TCF12: variants seen among roughly 807,000 people sequenced by gnomAD.
TCF12 encodes the protein transcription factor 12.
TCF12 carries 45 observed loss-of-function variants against 86.0 expected under a neutral mutation model. That is an observed-to-expected ratio of 0.52 (90% CI 0.41 to 0.67). The LOEUF is 0.67. Ranked by LOEUF, TCF12 falls within the 30% of genes least tolerant of loss-of-function variation. TCF12 has a pLI of 0.00. For synonymous variants in TCF12, 330 were observed against 299.6 expected, an observed-to-expected ratio of 1.10 and a Z score of -1.05; for missense variants, 881 against 859.9, an observed-to-expected ratio of 1.02 and a Z score of -0.31.
intron 5 of TCF12, among the ~76,000 whole-genome samples, chr15:57,098,009 C>CAAAAAA (rs72046243): frequency 6.4e-4 from 31 of 48,414 alleles, no homozygotes; most frequent in Non-Finnish European, 9.2e-4. Flanking sequence ...TACAAAAATA[C>CAAAAAA]AAAAAAAAAA....
At chr15:57,199,976 G>C (rs1357463055) in intron 8 of TCF12, among the ~76,000 whole-genome samples, 1 of 151,526 alleles carries the variant, frequency 6.6e-6, no homozygotes, top group Admixed American at 6.6e-5. Context: ...TAACCTCCTT[G>C]GCTCAAGCGA....
chr15:57,069,919 C>T (rs907989195), intron 4 of TCF12, among the ~76,000 whole-genome samples: 2 of 152,208 alleles, frequency 1.3e-5, no homozygotes, highest in African/African-American at 4.8e-5. Context: ...AATTTAAGAG[C>T]TTGAGCATTA....
At chr15:56,992,002 C>G (rs1190709437) in intron 3 of TCF12, among the ~76,000 whole-genome samples, 1 of 151,756 alleles carries the variant, frequency 6.6e-6, no homozygotes, top group African/African-American at 2.4e-5. Context: ...TGCCTGTACC[C>G]TAGTACTTTA....
At chr15:57,213,139 G>A (rs1460227894) in intron 8 of TCF12, among the ~76,000 whole-genome samples, 5 of 152,154 alleles carry the variant, frequency 3.3e-5, no homozygotes, top group African/African-American at 7.2e-5. Flanking sequence ...CTTGTTTTGC[G>A]TTGTTCTTTG....
chr15:57,214,156 C>CG (rs2058236041), intron 8 of TCF12: 1 of 152,154 alleles, frequency 6.6e-6, no homozygotes, highest in Non-Finnish European at 1.5e-5. Flanking sequence ...GGGGACCCCC[C>CG]CTCTTTAATT....
intron 3 of TCF12, among the ~76,000 whole-genome samples, chr15:56,938,474 C>G (rs1211898337): frequency 6.6e-6 from 1 of 151,888 alleles, no homozygotes; most frequent in Non-Finnish European, 1.5e-5. Flanking sequence ...TTTGCTTTTT[C>G]TGTTGTGTCC....
At chr15:57,111,073 C>A (rs1294427907) in intron 5 of TCF12, among the ~76,000 whole-genome samples, 1 of 152,110 alleles carries the variant, frequency 6.6e-6, no homozygotes, top group Non-Finnish European at 1.5e-5. Flanking sequence ...ATGGAATCAT[C>A]TTTTTAACGT....
chr15:57,173,441 A>ACC (rs1463014986), intron 6 of TCF12, among the ~76,000 whole-genome samples: 1 of 152,166 alleles, frequency 6.6e-6, no homozygotes, highest in African/African-American at 2.4e-5. Context: ...AACTAACAAA[A>ACC]CCAAAATTTG....
At chr15:57,014,660 C>T (rs2065040351) in intron 3 of TCF12, among the ~76,000 whole-genome samples, 2 of 152,026 alleles carry the variant, frequency 1.3e-5, no homozygotes, top group African/African-American at 4.8e-5. Context: ...CTAGGTACAC[C>T]CTCCAGGTGG....
chr15:57,037,435 AAAC>A (rs1409292814), intron 3 of TCF12, among the ~76,000 whole-genome samples: 1 of 68,892 alleles, frequency 1.5e-5, no homozygotes, highest in African/African-American at 1.6e-4. Context: ...GAGCTCAAAA[AAAC>A]AAACAAACAA....
chr15:57,160,714 G>A (rs1460342679), intron 5 of TCF12, among the ~76,000 whole-genome samples: 1 of 151,760 alleles, frequency 6.6e-6, no homozygotes. Context: ...GTTTTTTGAG[G>A]CAGGGTCTCA....
chr15:56,964,748 G>T (rs1249689260), intron 3 of TCF12, among the ~76,000 whole-genome samples: 1 of 152,050 alleles, frequency 6.6e-6, no homozygotes, highest in Admixed American at 6.6e-5. Flanking sequence ...TTGTACTCTT[G>T]TGCCTTATAA....
chr15:57,133,538 T>TACACGGCTGTGTTGCA (rs1337472251), intron 5 of TCF12, among the ~76,000 whole-genome samples: 1 of 152,110 alleles, frequency 6.6e-6, no homozygotes, highest in Non-Finnish European at 1.5e-5. Context: ...GGTGTGTTGC[T>TACACGGCTGTGTTGCA]ACACGGCTGT....
Position 57,109,713 on chromosome 15 carries a change from A to C in TCF12, c.325+17822A>C, listed in dbSNP as rs78387469. On this transcript the variant is annotated intron_variant, in intron 5 of 20. Transcript: ENST00000333725. Reference sequence around the variant, plus strand: ...TAAAAATGCATAGAACTTGTCAAAGATAGCTTAATTTGCCTTTCTACATTC... The same window carrying C: ...TAAAAATGCATAGAACTTGTCAAAGCTAGCTTAATTTGCCTTTCTACATTC... Among the ~76,000 whole-genome samples, 1,493 of 152,324 alleles carry C rather than the reference A, an allele frequency of 9.8e-3. 30 individuals are homozygous for C. Among genetic ancestry groups the C allele is most frequent in the African/African-American group, 0.034 (1,403 of 41,574 alleles).
At chr15:57,014,890 T>C (rs1480118119) in intron 3 of TCF12, among the ~76,000 whole-genome samples, 3 of 147,360 alleles carry the variant, frequency 2.0e-5, no homozygotes, top group Non-Finnish European at 3.0e-5. Context: ...ATTATTATTA[T>C]TATTGTTATT....
At chr15:57,089,011 A>G (rs1232454003) in intron 4 of TCF12, among the ~76,000 whole-genome samples, 2 of 152,188 alleles carry the variant, frequency 1.3e-5, no homozygotes, top group Admixed American at 1.3e-4. Flanking sequence ...TGTGAAAGGA[A>G]TGACAGGAAT....
At chr15:57,189,366 A>C (rs1035639162) in intron 6 of TCF12, among the ~76,000 whole-genome samples, 1 of 152,020 alleles carries the variant, frequency 6.6e-6, no homozygotes, top group Non-Finnish European at 1.5e-5. Context: ...TATCCAGAAT[A>C]TATAAACAAC....
rs2060117837 is a variant in TCF12 at position 57,251,532 on chromosome 15, C to A, written c.1188+109C>A. The A allele has an allele frequency of 4.8e-6, 5 of 1,041,496 alleles. No homozygotes were observed. The East Asian group carries it at 1.0e-4, about 22-fold the overall frequency. The allele number at this position is 1,041,496 out of a possible 1,614,324, so 64.5% of individuals were successfully genotyped here. A position where few individuals can be genotyped will look rare whatever the true frequency, so the allele number is the denominator to read the frequency against. ...AGTAGGCTAGCATTGCACATGAATTCTTTGCTAACAAATGGCTGATTCATT... is the reference window on the plus strand; with the variant it reads ...AGTAGGCTAGCATTGCACATGAATTATTTGCTAACAAATGGCTGATTCATT... On this transcript the variant is annotated intron_variant, in intron 14 of 20. Transcript: ENST00000333725.
intron 5 of TCF12, among the ~76,000 whole-genome samples, chr15:57,120,152 C>T (rs2051126529): frequency 6.6e-6 from 1 of 152,208 alleles, no homozygotes. Flanking sequence ...CTAGATACTG[C>T]GTTGACTACT....
Sources: allele counts gnomAD v4.1 joint callset (sites outside exome capture counted in the v4.1 genomes callset), GRCh38; gene constraint gnomAD v4.1.1; transcripts MANE v1.5; gene names NCBI Gene and HGNC (gene_info 2026-07-23, HGNC 2026-07-21).